EYS: variants seen among roughly 807,000 people sequenced by gnomAD.
EYS encodes EGF-like photoreceptor maintenance factor.
In EYS, 250 loss-of-function variants were observed where a neutral mutation model predicts 282.1. The ratio of observed to expected loss-of-function variants is 0.89; its 90% CI spans 0.80 to 0.98. EYS has a LOEUF of 0.98. EYS is among the 50% of genes least tolerant of loss of function. The pLI, the probability that EYS is intolerant of heterozygous loss-of-function variation, is 0.00. For synonymous variants in EYS, 1,355 were observed against 1,282.9 expected (o/e 1.06, Z -1.20); for missense variants, 4,016 against 3,709.0 (o/e 1.08, Z -2.15).
intron 22 of EYS, among the ~76,000 whole-genome samples, chr6:64,745,046 C>T (rs183355442): frequency 2.0e-5 from 3 of 152,202 alleles, no homozygotes; most frequent in Admixed American, 2.0e-4. Flanking sequence ...ACCCTACAGC[C>T]CTCGTTTGTC....
intron 12 of EYS, among the ~76,000 whole-genome samples, chr6:65,236,011 T>A (rs1196381807): frequency 6.6e-6 from 1 of 151,992 alleles, no homozygotes; most frequent in African/African-American, 2.4e-5. Flanking sequence ...TTAGGAAAAA[T>A]TTCCTTGATT....
intron 32 of EYS, among the ~76,000 whole-genome samples, chr6:64,070,144 T>C (rs1305442534): frequency 6.6e-6 from 1 of 152,100 alleles, no homozygotes; most frequent in African/African-American, 2.4e-5. Context: ...CAAATGGCAG[T>C]TCGTTAAAGT....
At chr6:65,414,018 T>C (rs1425479096) in intron 5 of EYS, among the ~76,000 whole-genome samples, 2 of 152,166 alleles carry the variant, frequency 1.3e-5, no homozygotes, top group African/African-American at 2.4e-5. Flanking sequence ...TAATTCTGTT[T>C]GTTTTGTTGG....
At chr6:63,958,954 A>G (rs1765939335) in intron 35 of EYS, among the ~76,000 whole-genome samples, 1 of 152,208 alleles carries the variant, frequency 6.6e-6, no homozygotes, top group African/African-American at 2.4e-5. Context: ...CAAGGAGTCT[A>G]ATGTTGTTTT....
At chr6:64,716,844 T>G (rs1421288676) in intron 22 of EYS, among the ~76,000 whole-genome samples, 1 of 152,206 alleles carries the variant, frequency 6.6e-6, no homozygotes, top group Non-Finnish European at 1.5e-5. Context: ...GAAGCAGTTT[T>G]GAAGGTTTCA....
chr6:64,421,258 T>TA (rs976158597), intron 28 of EYS, among the ~76,000 whole-genome samples: 4 of 151,974 alleles, frequency 2.6e-5, no homozygotes, highest in Admixed American at 1.3e-4. Flanking sequence ...GGAAGCCCCT[T>TA]AAAAAAACCC....
intron 12 of EYS, among the ~76,000 whole-genome samples, chr6:65,192,982 A>C (rs906967432): frequency 1.3e-5 from 2 of 151,818 alleles, no homozygotes; most frequent in African/African-American, 4.8e-5. Flanking sequence ...TAGTCACCCC[A>C]CTATGCTATT....
intron 2 of EYS, among the ~76,000 whole-genome samples, chr6:65,570,665 T>G (rs919489892): frequency 6.6e-6 from 1 of 152,248 alleles, no homozygotes; most frequent in Admixed American, 6.6e-5. Context: ...AGCCAATAAC[T>G]TTTAAGATAA....
chr6:64,134,139 T>C (rs2150283712), intron 31 of EYS, among the ~76,000 whole-genome samples: 1 of 152,180 alleles, frequency 6.6e-6, no homozygotes, highest in African/African-American at 2.4e-5. Context: ...AGGATCAGGG[T>C]CATCTTGGGC....
At chr6:64,161,156 C>G (rs767919737) in intron 31 of EYS, among the ~76,000 whole-genome samples, 1 of 152,084 alleles carries the variant, frequency 6.6e-6, no homozygotes, top group Admixed American at 6.6e-5. Context: ...GCTGAAAATA[C>G]GGAACAAGCA....
At chr6:65,431,270 C>T (rs952232291) in intron 5 of EYS, among the ~76,000 whole-genome samples, 3 of 152,110 alleles carry the variant, frequency 2.0e-5, no homozygotes, top group Non-Finnish European at 4.4e-5. Context: ...ACACCTTTTC[C>T]TTTACTCCTT....
At chr6:63,975,297 C>T (rs1173396719) in intron 35 of EYS, among the ~76,000 whole-genome samples, 3 of 151,788 alleles carry the variant, frequency 2.0e-5, no homozygotes, top group Admixed American at 6.6e-5. Flanking sequence ...TTATGAATCC[C>T]ACGATCATTA....
intron 36 of EYS, among the ~76,000 whole-genome samples, chr6:63,839,796 C>T (rs1771904038): frequency 6.6e-6 from 1 of 152,142 alleles, no homozygotes; most frequent in South Asian, 2.1e-4. Context: ...GGACCCTCCA[C>T]ACTGTTTTCC....
intron 13 of EYS, among the ~76,000 whole-genome samples, chr6:65,012,349 T>C (rs1022041650): frequency 1.1e-4 from 17 of 152,130 alleles, no homozygotes; most frequent in African/African-American, 4.1e-4. Flanking sequence ...ATAGTAAAAA[T>C]ATTTACATGT....
intron 12 of EYS, among the ~76,000 whole-genome samples, chr6:65,230,612 T>C (rs188071234): frequency 2.6e-5 from 4 of 151,942 alleles, no homozygotes; most frequent in African/African-American, 9.6e-5. Context: ...GTCTTTTTTT[T>C]CCTAGAGAGT....
At position 63,878,028 on chromosome 6, in the gene EYS, G is replaced by A. The variant is rs139518631; in HGVS notation, c.7056-13670C>T. On this transcript the variant is annotated intron_variant, in intron 35 of 42. Transcript: ENST00000503581. ...TGTTCTATTGCTGGTGAGGAGCTGT[G>A]TTCCTTTGGAGGAGAAGAGGCACTC... Among the ~76,000 whole-genome samples the A allele has an allele frequency of 3.0e-4, 45 of 152,326 alleles. 1 individual carries two copies. The East Asian group carries it at 7.5e-3, about 25-fold the overall frequency.
chr6:65,384,459 A>G lies in EYS; in HGVS notation c.1226T>C (p.Ile409Thr). 2.5e-6 allele frequency: 4 copies of G among 1,608,820 alleles called. No individual in the cohort carries two copies. The highest frequency in any genetic ancestry group is 1.1e-5 in the South Asian group (1 of 91,012). The change falls in exon 8 of 43, where the codon ATT becomes ACT. Residue 409 changes from isoleucine (I) to threonine (T), a missense_variant. Transcript: ENST00000503581. ...GATGCTGAGCAGTTTACAGTGGTCA[A>G]TTGCTTTCTCACAGTTTTTTTCAGT... Reference protein sequence around the residue: ...GFTEKNCEKAIDHCKLLSINC... With the variant: ...GFTEKNCEKATDHCKLLSINC...
chr6:64,444,727 G>C (rs1775063917), intron 26 of EYS, among the ~76,000 whole-genome samples: 1 of 152,166 alleles, frequency 6.6e-6, no homozygotes, highest in South Asian at 2.1e-4. Context: ...GTTGAAGTTG[G>C]AGCCAAGTGG....
chr6:64,390,055 G>A (rs560679014), intron 28 of EYS, among the ~76,000 whole-genome samples: 3 of 151,732 alleles, frequency 2.0e-5, no homozygotes, highest in East Asian at 2.0e-4. Context: ...CGAATACTGC[G>A]CTTTTCCAAC....
Sources: gnomAD v4.1 joint callset for allele counts (sites outside exome capture counted in the v4.1 genomes callset) on GRCh38, gnomAD v4.1.1 for gene constraint, MANE v1.5 for transcripts, NCBI Gene and HGNC (gene_info 2026-07-23, HGNC 2026-07-21) for gene names.